Variants in WDR7 observed in about 807,000 individuals in gnomAD.
WDR7 encodes WD repeat domain 7.
WDR7 carries 46 observed loss-of-function variants against 169.4 expected under a neutral mutation model. The ratio of observed to expected loss-of-function variants is 0.27; its 90% CI spans 0.21 to 0.35. The LOEUF is 0.35. Among genes scored for constraint, WDR7 ranks in the 10% least tolerant of loss-of-function variants. The pLI, the probability that WDR7 is intolerant of heterozygous loss-of-function variation, is 1.00. For missense variants in WDR7, 1,534 were observed against 1,859.3 expected (o/e 0.83, Z 3.22); for synonymous variants, 612 against 666.8 (o/e 0.92, Z 1.27).
rs1461986556 is a variant in WDR7, at chr18:56,995,175, A to G, written c.4165-25570A>G. On this transcript the variant is annotated intron_variant, in intron 26 of 27. Coordinates refer to ENST00000254442, the MANE Select transcript of WDR7 (RefSeq NM_015285.3). ...GTGTGCTTAGTAACTGCCTATAGTT[A>G]TAGGATAAATTAAGATAGAGGAGGA... 2.0e-5 allele frequency among the ~76,000 whole-genome samples: 3 copies of G among 152,206 alleles called. No individual in the cohort carries two copies. The East Asian group carries it at 5.8e-4, about 29-fold the overall frequency.
intron 13 of WDR7, among the ~76,000 whole-genome samples, chr18:56,726,411 G>A (rs1598993978): frequency 6.6e-6 from 1 of 152,102 alleles, no homozygotes; most frequent in Non-Finnish European, 1.5e-5. Flanking sequence ...TCTCTTTGAA[G>A]CAATTGTGAA....
chr18:57,004,447 A>G (rs1443367241), intron 26 of WDR7, among the ~76,000 whole-genome samples: 2 of 152,140 alleles, frequency 1.3e-5, no homozygotes, highest in Non-Finnish European at 2.9e-5. Context: ...AAATTCTACA[A>G]CATTAAGAAT....
rs956695730 is a variant in WDR7, at chr18:56,877,436, T to C, written c.3305-2508T>C. 6.6e-5 allele frequency among the ~76,000 whole-genome samples: 10 copies of C among 152,188 alleles called. No homozygotes were observed. In the East Asian group the frequency reaches 7.7e-4, roughly 12 times the overall value. On this transcript the variant is annotated intron_variant, in intron 20 of 27. Coordinates refer to ENST00000254442, the MANE Select transcript of WDR7 (RefSeq NM_015285.3). ...GAGAACTTTCATGAAACTTCAAGAA[T>C]CCTTCAACTGTTTTCAAGGAATGAT...
intron 26 of WDR7, among the ~76,000 whole-genome samples, chr18:57,017,554 C>T (rs532677915): frequency 1.3e-5 from 2 of 149,698 alleles, no homozygotes; most frequent in South Asian, 4.2e-4. Context: ...CCCCCTTTGT[C>T]CAAAGAAGAC....
chr18:56,842,190 G>T (rs2145330256), intron 20 of WDR7, among the ~76,000 whole-genome samples: 1 of 152,222 alleles, frequency 6.6e-6, no homozygotes, highest in East Asian at 1.9e-4. Context: ...CTGAGACTGG[G>T]TAATTTATAA....
At chr18:56,821,705 GT>G (rs1335925734) in intron 20 of WDR7, among the ~76,000 whole-genome samples, 2 of 150,886 alleles carry the variant, frequency 1.3e-5, no homozygotes, top group African/African-American at 4.9e-5. Flanking sequence ...AAACTCTTGG[GT>G]TTGGCTGGGC....
chr18:56,864,481 A>G (rs1384529939), intron 20 of WDR7, among the ~76,000 whole-genome samples: 1 of 151,756 alleles, frequency 6.6e-6, no homozygotes, highest in Non-Finnish European at 1.5e-5. Flanking sequence ...CATTAACATT[A>G]ACTTGAAATG....
chr18:56,869,770 A>G (rs997347078), intron 20 of WDR7, among the ~76,000 whole-genome samples: 4 of 152,226 alleles, frequency 2.6e-5, no homozygotes, highest in African/African-American at 7.2e-5. Flanking sequence ...TGAAATTTAC[A>G]TGTTGGCCAT....
At chr18:56,800,585 G>A (rs1210649569) in intron 19 of WDR7, among the ~76,000 whole-genome samples, 1 of 152,078 alleles carries the variant, frequency 6.6e-6, no homozygotes, top group Non-Finnish European at 1.5e-5. Flanking sequence ...TCTCCTTGGG[G>A]CCAAGATCCA....
intron 21 of WDR7, among the ~76,000 whole-genome samples, chr18:56,886,799 A>G (rs112965210): frequency 1.1e-3 from 167 of 152,342 alleles, no homozygotes; most frequent in African/African-American, 3.6e-3. Context: ...AAGATATTCC[A>G]TGCAAATGGA....
intron 26 of WDR7, among the ~76,000 whole-genome samples, chr18:57,018,922 C>T (rs1285812019): frequency 6.6e-6 from 1 of 152,086 alleles, no homozygotes; most frequent in Non-Finnish European, 1.5e-5. Flanking sequence ...GGCTTTTTTC[C>T]TGCCTGAGTG....
At chr18:56,736,772 G>T (rs2026708424) in intron 14 of WDR7, among the ~76,000 whole-genome samples, 1 of 151,978 alleles carries the variant, frequency 6.6e-6, no homozygotes, top group African/African-American at 2.4e-5. Flanking sequence ...GAGTGTGGAA[G>T]AAATTAGCTT....
At chr18:56,760,854 G>T (rs545266351) in intron 16 of WDR7, among the ~76,000 whole-genome samples, 3 of 152,264 alleles carry the variant, frequency 2.0e-5, no homozygotes, top group African/African-American at 7.2e-5. Flanking sequence ...ATATACAACT[G>T]ATGAGATACC....
At chr18:56,798,588 A>G (rs1480155280) in intron 19 of WDR7, among the ~76,000 whole-genome samples, 3 of 152,216 alleles carry the variant, frequency 2.0e-5, no homozygotes, top group Admixed American at 2.0e-4. Context: ...TTCTCCAATT[A>G]CATTTCTAAG....
intron 1 of WDR7, among the ~76,000 whole-genome samples, chr18:56,656,279 G>GTTT (rs1217856567): frequency 1.5e-5 from 2 of 132,632 alleles, no homozygotes; most frequent in African/African-American, 2.8e-5. Flanking sequence ...TACTGTCACT[G>GTTT]TTTTTTTTTT....
At chr18:56,668,224 T>C (rs958078901) in intron 1 of WDR7, among the ~76,000 whole-genome samples, 13 of 152,210 alleles carry the variant, frequency 8.5e-5, no homozygotes, top group Non-Finnish European at 5.9e-5. Context: ...ATCTGATGCA[T>C]GTTGGCTATT....
intron 20 of WDR7, 112 bp downstream of exon 20, chr18:56,816,256 T>A (rs2044968812): frequency 1.2e-6 from 1 of 850,526 alleles, no homozygotes; most frequent in Non-Finnish European, 1.8e-6. Flanking sequence ...TGGAAACTTG[T>A]ACTGATGGTG....
At chr18:56,805,375 G>A (rs1231811797) in intron 19 of WDR7, among the ~76,000 whole-genome samples, 1 of 152,112 alleles carries the variant, frequency 6.6e-6, no homozygotes, top group Non-Finnish European at 1.5e-5. Context: ...TTCAGAATTT[G>A]GGATTTTACT....
intron 26 of WDR7, among the ~76,000 whole-genome samples, chr18:57,018,939 A>T (rs1318757523): frequency 1.3e-5 from 2 of 152,204 alleles, no homozygotes; most frequent in African/African-American, 4.8e-5. Context: ...AGTGATTCTC[A>T]TTCCAGAATA....
Sources: allele counts gnomAD v4.1 joint callset (sites outside exome capture counted in the v4.1 genomes callset), GRCh38; gene constraint gnomAD v4.1.1; transcripts MANE v1.5; gene names NCBI Gene and HGNC (gene_info 2026-07-23, HGNC 2026-07-21).